CNTNAP5: variants seen among roughly 807,000 people sequenced by gnomAD.
CNTNAP5 encodes contactin-associated protein-like 5.
A neutral mutation model predicts 150.2 loss-of-function variants in CNTNAP5; 72 were observed. The observed-to-expected ratio is 0.48, with a 90% CI of 0.40 to 0.58. The LOEUF is 0.58. Ranked by LOEUF, CNTNAP5 falls within the 20% of genes least tolerant of loss-of-function variation. The pLI is 0.00. For synonymous variants in CNTNAP5, 672 were observed against 619.8 expected (o/e 1.08, Z -1.25); for missense variants, 1,636 against 1,626.2 (o/e 1.01, Z -0.10).
chr2:124,786,122 C>G (rs62171345), intron 17 of CNTNAP5, among the ~76,000 whole-genome samples: 8 of 151,262 alleles, frequency 5.3e-5, no homozygotes, highest in Admixed American at 5.3e-4. Flanking sequence ...ATTAGCTGGT[C>G]GTGGTGGTGT....
intron 10 of CNTNAP5, among the ~76,000 whole-genome samples, chr2:124,558,136 G>A (rs1265076023): frequency 4.6e-5 from 7 of 152,296 alleles, no homozygotes; most frequent in Non-Finnish European, 1.0e-4. Context: ...AGGGGTCAAG[G>A]ATGGAAGCTG....
chr2:124,360,926 C>T (rs1274867552), intron 3 of CNTNAP5, among the ~76,000 whole-genome samples: 1 of 145,942 alleles, frequency 6.9e-6, no homozygotes, highest in African/African-American at 2.6e-5. Context: ...TTCCCTTCTC[C>T]CCATCACTTT....
chr2:124,706,830 G>A (rs1461048072), intron 13 of CNTNAP5, among the ~76,000 whole-genome samples: 75 of 2,814 alleles, frequency 0.027, 6 homozygotes, highest in African/African-American at 0.045. Context: ...AGGAGGAAGA[G>A]GAGGAGGGGG....
chr2:124,206,572 G>T (rs891110936), intron 1 of CNTNAP5, among the ~76,000 whole-genome samples: 3 of 152,184 alleles, frequency 2.0e-5, no homozygotes, highest in African/African-American at 7.2e-5. Flanking sequence ...GCCAGTGGGG[G>T]CAGTTGCATG....
intron 1 of CNTNAP5, among the ~76,000 whole-genome samples, chr2:124,172,959 C>G (rs989812710): frequency 6.6e-6 from 1 of 152,164 alleles, no homozygotes; most frequent in Non-Finnish European, 1.5e-5. Context: ...TTGGCACCAC[C>G]TTTCCAATAG....
chr2:124,177,242 G>A (rs1178985330), intron 1 of CNTNAP5, among the ~76,000 whole-genome samples: 1 of 152,096 alleles, frequency 6.6e-6, no homozygotes, highest in Admixed American at 6.5e-5. Context: ...GGGAAAAAGG[G>A]GTTTTAGCTT....
intron 16 of CNTNAP5, among the ~76,000 whole-genome samples, chr2:124,765,013 A>G (rs1295470483): frequency 1.3e-5 from 2 of 152,212 alleles, no homozygotes; most frequent in African/African-American, 4.8e-5. Flanking sequence ...GAGTGTGCTC[A>G]TGTCCATTTA....
rs1305636297 is a variant in CNTNAP5 at position 124,282,609 on chromosome 2, C to T, written c.381+40216C>T. On this transcript the variant is annotated intron_variant, in intron 3 of 23. Coordinates refer to ENST00000682447, the MANE Select transcript of CNTNAP5 (RefSeq NM_001367498.1). Reference sequence around the variant, plus strand: ...TTTTCTAATAGACTGTAAACTTCTTCAGGTGAAGGACTTTTTTTTTTTTTG... The same window carrying T: ...TTTTCTAATAGACTGTAAACTTCTTTAGGTGAAGGACTTTTTTTTTTTTTG... 2.7e-5 allele frequency among the ~76,000 whole-genome samples: 4 copies of T among 148,716 alleles called. No homozygotes were observed. In the East Asian group the frequency reaches 7.8e-4, roughly 29 times the overall value.
chr2:124,303,089 A>G (rs1194562343), intron 3 of CNTNAP5, among the ~76,000 whole-genome samples: 1 of 151,998 alleles, frequency 6.6e-6, no homozygotes, highest in Non-Finnish European at 1.5e-5. Flanking sequence ...CCCCCCTTAA[A>G]TTGTGTTTTC....
At chr2:124,124,915 A>G (rs1573771786) in intron 1 of CNTNAP5, among the ~76,000 whole-genome samples, 1 of 152,252 alleles carries the variant, frequency 6.6e-6, no homozygotes, top group African/African-American at 2.4e-5. Flanking sequence ...TGAAGGAAGC[A>G]CTAAACATAG....
chr2:124,207,026 T>G (rs1685882974), intron 1 of CNTNAP5, among the ~76,000 whole-genome samples: 1 of 152,364 alleles, frequency 6.6e-6, no homozygotes, highest in South Asian at 2.1e-4. Context: ...ATGTTTAGTA[T>G]CAAATGGTAG....
At chr2:124,208,496 A>G (rs1685920561) in intron 1 of CNTNAP5, among the ~76,000 whole-genome samples, 1 of 152,214 alleles carries the variant, frequency 6.6e-6, no homozygotes, top group Non-Finnish European at 1.5e-5. Context: ...GAATGTCAAA[A>G]ACCAGAGGCC....
At chr2:124,722,653 A>G (rs1680071693) in intron 13 of CNTNAP5, among the ~76,000 whole-genome samples, 1 of 152,098 alleles carries the variant, frequency 6.6e-6, no homozygotes, top group African/African-American at 2.4e-5. Flanking sequence ...CCCCATCCAT[A>G]GGAGTTGGGT....
intron 1 of CNTNAP5, among the ~76,000 whole-genome samples, chr2:124,164,849 C>T (rs1471330321): frequency 6.6e-6 from 1 of 151,824 alleles, no homozygotes; most frequent in African/African-American, 2.4e-5. Context: ...GGGTAGATCT[C>T]AGCTGGGGAA....
chr2:124,094,709 A>G (rs1264085081), intron 1 of CNTNAP5, among the ~76,000 whole-genome samples: 3 of 152,198 alleles, frequency 2.0e-5, no homozygotes, highest in African/African-American at 4.8e-5. Context: ...TGCTAAAGGC[A>G]CAACAGCAAC....
chr2:124,317,831 A>G (rs1276543259), intron 3 of CNTNAP5, among the ~76,000 whole-genome samples: 2 of 151,300 alleles, frequency 1.3e-5, no homozygotes, highest in Non-Finnish European at 3.0e-5. Context: ...AAGTAATGGA[A>G]CATGTGTGTG....
At chr2:124,145,538 G>T (rs1269099333) in intron 1 of CNTNAP5, among the ~76,000 whole-genome samples, 2 of 34,650 alleles carry the variant, frequency 5.8e-5, no homozygotes, top group Admixed American at 3.8e-4. Context: ...GTAAACTATC[G>T]CAAGAACAAA....
intron 3 of CNTNAP5, among the ~76,000 whole-genome samples, chr2:124,293,373 G>T (rs1182363784): frequency 6.6e-6 from 1 of 151,958 alleles, no homozygotes; most frequent in African/African-American, 2.4e-5. Context: ...GCATTGAATA[G>T]TATTCTCTGA....
At chr2:124,880,111 A>G (rs560011961) in intron 21 of CNTNAP5, among the ~76,000 whole-genome samples, 1 of 152,268 alleles carries the variant, frequency 6.6e-6, no homozygotes, top group South Asian at 2.1e-4. Context: ...GCAGGATGCC[A>G]TTAATGATAA....
Sources: gnomAD v4.1 joint callset for allele counts (sites outside exome capture counted in the v4.1 genomes callset) on GRCh38, gnomAD v4.1.1 for gene constraint, MANE v1.5 for transcripts, NCBI Gene and HGNC (gene_info 2026-07-23, HGNC 2026-07-21) for gene names.